The following DNAJB4 variants were observed in gnomAD, a reference collection of about 807,000 sequenced individuals.
DNAJB4 encodes dnaJ homolog subfamily B member 4.
Under a neutral mutation model 26.6 loss-of-function variants are expected in DNAJB4, and 10 were observed. The ratio of observed to expected loss-of-function variants is 0.38; its 90% CI spans 0.23 to 0.64. The LOEUF (loss-of-function observed/expected upper bound fraction) is 0.64, where lower values mean the gene tolerates loss of function less well. DNAJB4 is among the 30% of genes least tolerant of loss of function. The pLI, the probability that DNAJB4 is intolerant of heterozygous loss-of-function variation, is 0.58. For missense variants in DNAJB4, 328 were observed against 408.2 expected, an observed-to-expected ratio of 0.80 and a Z score of 1.69; for synonymous variants, 136 against 134.8, an observed-to-expected ratio of 1.01 and a Z score of -0.06.
intron 1 of DNAJB4, 131 bp from the exon 2 acceptor site, chr1:78,012,920 A>G (rs1190646623): frequency 1.5e-6 from 1 of 658,996 alleles, no homozygotes; most frequent in Non-Finnish European, 2.5e-6. Flanking sequence ...TATTTAGTAA[A>G]GTGGCATTTC....
upstream of DNAJB4, among the ~76,000 whole-genome samples, chr1:78,002,978 T>A (rs950872811): frequency 1.3e-5 from 2 of 152,142 alleles, no homozygotes; most frequent in African/African-American, 2.4e-5. Flanking sequence ...CTGTGTCAAG[T>A]TTTGATAATA....
intron 1 of DNAJB4, among the ~76,000 whole-genome samples, chr1:77,995,608 A>G (rs929594747): frequency 5.9e-5 from 9 of 152,078 alleles, no homozygotes; most frequent in African/African-American, 2.2e-4. Flanking sequence ...GCATGCCACT[A>G]CATCTGGCTA....
intron 1 of DNAJB4, among the ~76,000 whole-genome samples, chr1:77,995,745 C>A (rs1660045307): frequency 6.6e-6 from 1 of 152,080 alleles, no homozygotes; most frequent in Non-Finnish European, 1.5e-5. Context: ...GAGCTATCAC[C>A]CTGGGCCTAA....
Position 78,013,236 on chromosome 1 carries a change from AGT to A in DNAJB4, c.399_400del (p.Ala134LeufsTer29). Reference protein sequence around the residue: ...EEMEIDGDPFSAFGFSMNGYP... With the variant: ...EEMEIDGDPFXAFGFSMNGYP... ...AATGGAAATAGATGGTGATCCTTTT[AGT>A]GCCTTTGGTTTCAGCATGAATGGAT... On this transcript the variant is annotated frameshift_variant, in exon 2 of 3. Transcript: ENST00000370763. LOFTEE classifies it high-confidence loss of function. 1 of 1,614,194 alleles carries A rather than the reference AGT, an allele frequency of 6.2e-7. No homozygotes were observed. Among genetic ancestry groups the A allele is most frequent in the South Asian group, 1.1e-5 (1 of 91,078 alleles).
intron 1 of DNAJB4, among the ~76,000 whole-genome samples, chr1:77,985,208 C>A (rs975570044): frequency 6.6e-6 from 1 of 152,152 alleles, no homozygotes; most frequent in Non-Finnish European, 1.5e-5. Context: ...AAATCCTTAA[C>A]TGGAAGTGGG....
chr1:78,013,319 T>C lies in DNAJB4; in HGVS notation c.480T>C (p.Val160=). ...GPSRLKQDPP[V]IHELRVSLEE... is the part of the protein sequence containing the mutation. ...CCCGCCTCAAACAAGATCCTCCAGT[T>C]ATTCATGAACTTAGAGTATCACTTG... Residue 160 remains valine, a synonymous_variant, in exon 2 of 3, where the codon GTT becomes GTC. Transcript: ENST00000370763. The C allele has an allele frequency of 6.2e-7, 1 of 1,614,148 alleles. No individual in the cohort carries two copies. Among genetic ancestry groups the C allele is most frequent in the African/African-American group, 1.3e-5 (1 of 75,044 alleles).
At chr1:78,003,093 G>T (rs573785001), upstream of DNAJB4, among the ~76,000 whole-genome samples, 2 of 152,000 alleles carry the variant, frequency 1.3e-5, no homozygotes, top group East Asian at 3.9e-4. Context: ...TAAAGTCACC[G>T]TTCCTTTGGT....
chr1:77,990,496 T>C (rs530583332), intron 1 of DNAJB4, among the ~76,000 whole-genome samples: 3 of 152,344 alleles, frequency 2.0e-5, no homozygotes, highest in Admixed American at 6.5e-5. Context: ...CCTTATATTA[T>C]CTTACATTTT....
At chr1:78,001,839 A>T (rs1660202498), upstream of DNAJB4, among the ~76,000 whole-genome samples, 1 of 152,162 alleles carries the variant, frequency 6.6e-6, no homozygotes, top group South Asian at 2.1e-4. Flanking sequence ...TACTTTTCTT[A>T]TAATAAAGGG....
chr1:78,017,595 A>G lies in DNAJB4; in HGVS notation c.*1348A>G, dbSNP rs1660673538. On this transcript the variant is annotated 3_prime_UTR_variant, in exon 3 of 3. Transcript: ENST00000370763. ...TTTACAAAGTGGTACAATCATCATC[A>G]CTTTCTAATTCCAGAATATTTTCAT... 6.6e-6 allele frequency: 1 copy of G among 152,066 alleles called. No individual in the cohort carries two copies. The highest frequency in any genetic ancestry group is 1.5e-5 in the Non-Finnish European group (1 of 67,948). 9.4% of individuals were successfully genotyped at this position (152,066 alleles called of 1,614,324 possible).
At chr1:77,988,777 T>TA (rs1262211464) in intron 1 of DNAJB4, among the ~76,000 whole-genome samples, 1 of 152,186 alleles carries the variant, frequency 6.6e-6, no homozygotes, top group Non-Finnish European at 1.5e-5. Flanking sequence ...TAACACAACT[T>TA]ACAGTATTTA....
chr1:77,995,514 G>A (rs926731113), intron 1 of DNAJB4, among the ~76,000 whole-genome samples: 1 of 152,146 alleles, frequency 6.6e-6, no homozygotes, highest in Non-Finnish European at 1.5e-5. Flanking sequence ...CAGTGGTGTC[G>A]TGATCATGGC....
intron 1 of DNAJB4, chr1:77,980,335 ATATATGTGTGTGTGTGTGTG>A (rs1320404547): frequency 1.6e-5 from 2 of 123,782 alleles, no homozygotes; most frequent in African/African-American, 7.4e-5. Flanking sequence ...ATATATATAT[ATATATGTGTGTGTGTGTGTG>A]TGTGTGTGTG....
rs1199138328 is a variant in DNAJB4 at position 78,016,885 on chromosome 1, A to G, written c.*638A>G. 6.6e-6 allele frequency: 1 copy of G among 152,156 alleles called. No individual in the cohort carries two copies. The highest frequency in any genetic ancestry group is 1.5e-5 in the Non-Finnish European group (1 of 67,974). 9.4% of individuals were successfully genotyped at this position (152,156 alleles called of 1,614,324 possible). Reference sequence around the variant, plus strand: ...CAATTTCTCTCCTGTGGAAATCCCAATTGCTTGAATTACTGATATTTTAGA... The same window carrying G: ...CAATTTCTCTCCTGTGGAAATCCCAGTTGCTTGAATTACTGATATTTTAGA... On this transcript the variant is annotated 3_prime_UTR_variant, in exon 3 of 3. Coordinates refer to ENST00000370763, the MANE Select transcript of DNAJB4 (RefSeq NM_007034.5).
chr1:77,989,440 A>G (rs1345356832), intron 1 of DNAJB4, among the ~76,000 whole-genome samples: 1 of 152,206 alleles, frequency 6.6e-6, no homozygotes, highest in Non-Finnish European at 1.5e-5. Context: ...ATTTAAATTT[A>G]CCATTTCATT....
chr1:77,979,200 A>C (rs1029427649), upstream of DNAJB4: 2 of 586,434 alleles, frequency 3.4e-6, no homozygotes, highest in Non-Finnish European at 6.0e-6. Context: ...AGGGCTGAGA[A>C]AGAACGACAG....
intron 2 of DNAJB4, among the ~76,000 whole-genome samples, chr1:78,014,957 T>G (rs1660595415): frequency 6.6e-6 from 1 of 152,166 alleles, no homozygotes; most frequent in South Asian, 2.1e-4. Context: ...AACACTATTG[T>G]TTCTTACCCT....
upstream of DNAJB4, among the ~76,000 whole-genome samples, chr1:78,003,054 C>T (rs1054233713): frequency 7.9e-5 from 12 of 151,882 alleles, no homozygotes; most frequent in African/African-American, 2.2e-4. Flanking sequence ...AAACACTACC[C>T]GCCAGAACAA....
At chr1:77,990,964 G>A (rs1388458504) in intron 1 of DNAJB4, among the ~76,000 whole-genome samples, 1 of 152,226 alleles carries the variant, frequency 6.6e-6, no homozygotes, top group African/African-American at 2.4e-5. Flanking sequence ...TCCAGTGGAT[G>A]AGGCATAAAC....
Sources: allele counts gnomAD v4.1 joint callset (sites outside exome capture counted in the v4.1 genomes callset), GRCh38; gene constraint gnomAD v4.1.1; transcripts MANE v1.5; gene names NCBI Gene and HGNC (gene_info 2026-07-23, HGNC 2026-07-21).